The following PRKDC variants were observed in gnomAD, a reference collection of about 807,000 sequenced individuals.
The protein encoded by PRKDC is protein kinase, DNA-activated, catalytic subunit, also known as DNA-dependent protein kinase catalytic subunit.
In PRKDC, 82 loss-of-function variants were observed where a neutral mutation model predicts 486.9. The observed-to-expected ratio is 0.17, with a 90% CI of 0.14 to 0.20. The LOEUF (loss-of-function observed/expected upper bound fraction) is 0.20. Ranked by LOEUF, PRKDC falls within the 10% of genes least tolerant of loss-of-function variation. The probability of loss-of-function intolerance (pLI) is 1.00; values close to 1 mark genes in which losing one functional copy is unlikely to be tolerated. For synonymous variants in PRKDC, 1,895 were observed against 1,837.0 expected, an observed-to-expected ratio of 1.03 and a Z score of -0.81; for missense variants, 4,504 against 5,038.2, an observed-to-expected ratio of 0.89 and a Z score of 3.21.
chr8:47,799,976 T>G (rs1250885187), intron 71 of PRKDC, among the ~76,000 whole-genome samples: 6 of 152,176 alleles, frequency 3.9e-5, no homozygotes, highest in Non-Finnish European at 8.8e-5. Flanking sequence ...CTACAGTTCT[T>G]TTAATTCAAA....
intron 50 of PRKDC, among the ~76,000 whole-genome samples, chr8:47,854,614 A>AC (rs8178159): frequency 0.014 from 2,178 of 152,060 alleles, 40 homozygotes; most frequent in African/African-American, 0.042. Flanking sequence ...AGCCGGGATT[A>AC]AGGCGTGAGC....
chr8:47,899,385 C>T (rs1371817930), intron 28 of PRKDC, among the ~76,000 whole-genome samples: 1 of 152,208 alleles, frequency 6.6e-6, no homozygotes, highest in African/African-American at 2.4e-5. Context: ...GTGGCTCATG[C>T]CTGTAATCCC....
chr8:47,860,891 C>G lies in PRKDC; in HGVS notation c.6058+8G>C, dbSNP rs749786668. On this transcript the variant is annotated splice_region_variant and intron_variant, in intron 45 of 85. Coordinates refer to ENST00000314191, the MANE Select transcript of PRKDC (RefSeq NM_006904.7). ...GAATCCTTTCTCATGATTTTGAAAA[C>G]ATCCTACCTGAATCCCCATTTGCTG... 1 of 1,598,118 alleles carries G rather than the reference C, an allele frequency of 6.3e-7. No individual in the cohort carries two copies. The highest frequency in any genetic ancestry group is 8.5e-7 in the Non-Finnish European group (1 of 1,171,264).
Position 47,912,446 on chromosome 8 carries a change from A to T in PRKDC, c.2898T>A (p.Phe966Leu), listed in dbSNP as rs2089919713. 6.2e-7 allele frequency: 1 copy of T among 1,607,748 alleles called. No individual in the cohort carries two copies. The highest frequency in any genetic ancestry group is 1.1e-5 in the South Asian group (1 of 90,022). ...PPMYQLYKRT[F>L]PVLLRLACDV... ...CACACGCAAGTCGAAGCAGCACAGG[A>T]AACGTCCGCTTATAGAGCTGGTACA... The change falls in exon 25 of 86, where the codon TTT (phenylalanine) becomes TTA (leucine). Residue 966 changes from phenylalanine to leucine, a missense_variant. Physicochemically the swap from Phe to Leu is conservative, Grantham distance 22 (BLOSUM62 0). Coordinates refer to ENST00000314191, the MANE Select transcript of PRKDC (RefSeq NM_006904.7).
intron 68 of PRKDC, among the ~76,000 whole-genome samples, chr8:47,808,426 C>A (rs2087258613): frequency 6.6e-6 from 1 of 152,074 alleles, no homozygotes; most frequent in African/African-American, 2.4e-5. Context: ...GCCACCATGC[C>A]CAGCCATGAA....
At chr8:47,784,435 G>T (rs1382192689) in intron 77 of PRKDC, among the ~76,000 whole-genome samples, 1 of 151,714 alleles carries the variant, frequency 6.6e-6, no homozygotes, top group African/African-American at 2.4e-5. Flanking sequence ...TTCTTGAAAT[G>T]AACCATATGC....
chr8:47,881,269 T>A, intron 38 of PRKDC, 147 bp downstream of exon 38: 1 of 573,960 alleles, frequency 1.7e-6, no homozygotes, highest in East Asian at 3.0e-5. Context: ...CGAGACTGGC[T>A]AATAAGTACG....
chr8:47,849,480 T>C lies in PRKDC; in HGVS notation c.7029A>G (p.Glu2343=), dbSNP rs1589740542. The change falls in exon 53 of 86, where the codon GAA becomes GAG. Residue 2343 remains glutamate (E), a synonymous_variant. Coordinates refer to ENST00000314191, the MANE Select transcript of PRKDC (RefSeq NM_006904.7). ...RKNILEESLC[E]LVAKQLKQHQ... is the part of the protein sequence containing the mutation. ...GTTGCTTCAATTGTTTCGCAACCAG[T>C]TCACACAGAGACTCCTCCAGTATCT... 6.2e-7 allele frequency: 1 copy of C among 1,613,962 alleles called. No individual in the cohort carries two copies. The highest frequency in any genetic ancestry group is 1.3e-5 in the African/African-American group (1 of 75,060).
chr8:47,858,800 T>A, intron 47 of PRKDC, 49 bp downstream of exon 47: 1 of 1,573,390 alleles, frequency 6.4e-7, no homozygotes, highest in South Asian at 1.2e-5. Flanking sequence ...ATTCTCAGTA[T>A]GACACCAATG....
chr8:47,881,353 C>T (rs2089211998), intron 38 of PRKDC, 63 bp downstream of exon 38: 3 of 1,022,598 alleles, frequency 2.9e-6, no homozygotes, highest in Non-Finnish European at 4.3e-6. Context: ...AAAAACATCA[C>T]AAATAAAAAA....
At chr8:47,957,518 T>C (rs1194967377) in intron 1 of PRKDC, 87 bp from the exon 2 acceptor site, 1 of 1,175,434 alleles carries the variant, frequency 8.5e-7, no homozygotes, top group African/African-American at 1.6e-5. Context: ...GATTTTCTTA[T>C]TATTTTTTTT....
chr8:47,895,094 C>T (rs1302707949), intron 30 of PRKDC, among the ~76,000 whole-genome samples: 1 of 151,982 alleles, frequency 6.6e-6, no homozygotes, highest in East Asian at 1.9e-4. Flanking sequence ...CAAACAGGTG[C>T]TGCACACCTG....
At chr8:47,784,494 G>GT (rs998342559) in intron 77 of PRKDC, among the ~76,000 whole-genome samples, 10 of 152,200 alleles carry the variant, frequency 6.6e-5, no homozygotes, top group Admixed American at 5.9e-4. Flanking sequence ...CTCCAAATAT[G>GT]TTTTTTCTTA....
chr8:47,839,394 A>C, intron 55 of PRKDC, 148 bp from the exon 56 acceptor site: 6 of 642,650 alleles, frequency 9.3e-6, no homozygotes, highest in East Asian at 5.7e-5. Flanking sequence ...TGCCCCACTC[A>C]TGGGTGTGTG....
chr8:47,924,648 C>G (rs1055743425), intron 21 of PRKDC, among the ~76,000 whole-genome samples: 1 of 152,098 alleles, frequency 6.6e-6, no homozygotes, highest in Non-Finnish European at 1.5e-5. Flanking sequence ...TATTCAGATA[C>G]CACACTCCTA....
chr8:47,897,728 C>G (rs1161474172), intron 29 of PRKDC, among the ~76,000 whole-genome samples: 1 of 152,158 alleles, frequency 6.6e-6, no homozygotes, highest in Non-Finnish European at 1.5e-5. Flanking sequence ...TGTGTTTTAA[C>G]TAGATCTCCA....
chr8:47,901,737 G>A (rs2089686812), intron 27 of PRKDC, among the ~76,000 whole-genome samples: 1 of 152,082 alleles, frequency 6.6e-6, no homozygotes, highest in Non-Finnish European at 1.5e-5. Context: ...ATAGACACAG[G>A]TCTGGCACAT....
At chr8:47,946,968 T>C (rs976111365) in intron 7 of PRKDC, among the ~76,000 whole-genome samples, 4 of 152,126 alleles carry the variant, frequency 2.6e-5, no homozygotes, top group African/African-American at 7.2e-5. Context: ...CCACTCCTTT[T>C]TGAAAAGCTC....
At position 47,889,002 on chromosome 8, in the gene PRKDC, C is replaced by G; in HGVS notation, c.4280+12G>C. ...AGGACAACATGTCCCCGATTGTGAC[C>G]CAAGTACCCACCTCTGTGCTGTTAT... On this transcript the variant is annotated intron_variant, in intron 33 of 85. Transcript: ENST00000314191. 1 of 1,611,112 alleles carries G rather than the reference C, an allele frequency of 6.2e-7. No homozygotes were observed. The highest frequency in any genetic ancestry group is 2.2e-5 in the East Asian group (1 of 44,862).
Sources: allele counts gnomAD v4.1 joint callset (sites outside exome capture counted in the v4.1 genomes callset), GRCh38; gene constraint gnomAD v4.1.1; transcripts MANE v1.5; gene names NCBI Gene and HGNC (gene_info 2026-07-23, HGNC 2026-07-21).